Variants in SAXO4 observed in about 807,000 individuals in gnomAD.
SAXO4 encodes stabilizer of axonemal microtubules 4.
At chr11:61,485,314 ACTC>A in the SAXO4 span, 1 of 1,610,666 alleles carries the variant, frequency 6.2e-7, no homozygotes, top group Non-Finnish European at 8.5e-7. Flanking sequence ...CAGTGCCCCC[ACTC>A]CTCCAACCTC....
the SAXO4 span, chr11:61,490,469 A>T: frequency 1.9e-6 from 3 of 1,594,110 alleles, no homozygotes; most frequent in South Asian, 2.2e-5. Context: ...GCCTGCCAAC[A>T]CCCCCAACAC....
At chr11:61,484,742 C>A in the SAXO4 span, 1 of 1,613,502 alleles carries the variant, frequency 6.2e-7, no homozygotes, top group African/African-American at 1.3e-5. Context: ...CATCACGGGG[C>A]TGGAGCCCAG....
the SAXO4 span, chr11:61,487,232 C>A: frequency 1.2e-6 from 2 of 1,613,814 alleles, no homozygotes; most frequent in Admixed American, 1.7e-5. Context: ...TGACCACCTA[C>A]AACCAAGGGT....
chr11:61,484,757 G>T, the SAXO4 span: 2 of 1,612,820 alleles, frequency 1.2e-6, no homozygotes, highest in African/African-American at 2.7e-5. Context: ...GCCCAGGGAA[G>T]TGCCTCTGCT....
chr11:61,485,626 C>T, the SAXO4 span, among the ~76,000 whole-genome samples: 1 of 152,202 alleles, frequency 6.6e-6, no homozygotes, highest in Admixed American at 6.5e-5. Context: ...TGCTCCCTCT[C>T]CTGTCCTCCG....
the SAXO4 span, chr11:61,490,393 C>T: frequency 2.9e-6 from 3 of 1,027,388 alleles, no homozygotes; most frequent in Non-Finnish European, 4.6e-6. Context: ...GCTGCCCTGG[C>T]TGAACCCTGG....
the SAXO4 span, chr11:61,489,465 A>G: frequency 1.8e-6 from 1 of 557,504 alleles, no homozygotes; most frequent in Admixed American, 3.4e-5. Context: ...TGGAAATGAA[A>G]TGGAAGGAAA....
chr11:61,482,522 G>A, the SAXO4 span: 2 of 1,564,092 alleles, frequency 1.3e-6, no homozygotes, highest in African/African-American at 1.4e-5. Flanking sequence ...GCCTGCCCTA[G>A]GCTGGGGGTC....
the SAXO4 span, chr11:61,482,788 G>T: frequency 2.5e-6 from 4 of 1,610,544 alleles, no homozygotes; most frequent in South Asian, 3.3e-5. Context: ...GAAGCCCAGT[G>T]CGGGTCCCCC....
At chr11:61,487,080 A>G in the SAXO4 span, 3 of 1,610,832 alleles carry the variant, frequency 1.9e-6, no homozygotes, top group East Asian at 2.2e-5. Context: ...TGCTACACCT[A>G]GCCTCCACCC....
At chr11:61,483,105 A>G in the SAXO4 span, among the ~76,000 whole-genome samples, 3 of 147,910 alleles carry the variant, frequency 2.0e-5, no homozygotes, top group Admixed American at 1.4e-4. Flanking sequence ...CACTGTCCCT[A>G]CTACCACCAC....
chr11:61,486,165 CAG>C, the SAXO4 span, among the ~76,000 whole-genome samples: 18 of 152,264 alleles, frequency 1.2e-4, no homozygotes, highest in Admixed American at 1.2e-3. Flanking sequence ...TGGTCCCATT[CAG>C]AGTCATGCCT....
the SAXO4 span, chr11:61,485,818 G>A: frequency 9.3e-6 from 15 of 1,613,706 alleles, no homozygotes; most frequent in East Asian, 1.3e-4. Flanking sequence ...AGAAGAAATC[G>A]ATCGGCGCAA....
the SAXO4 span, chr11:61,486,734 G>A: frequency 1.5e-3 from 1,509 of 1,008,426 alleles, 4 homozygotes; most frequent in Admixed American, 2.6e-3. Context: ...GTGGAGGTAG[G>A]CCCTCAGGTG....
chr11:61,490,867 T>G, the SAXO4 span: 1 of 475,312 alleles, frequency 2.1e-6, no homozygotes, highest in Non-Finnish European at 3.8e-6. Context: ...CCCCACTCCA[T>G]CCCCCAGGGG....
the SAXO4 span, chr11:61,481,822 C>T: frequency 1.3e-6 from 2 of 1,525,026 alleles, no homozygotes; most frequent in Non-Finnish European, 1.7e-6. Context: ...GATGGGGAAA[C>T]TCCCCCTGGG....
chr11:61,485,988 G>A, the SAXO4 span: 92 of 1,027,076 alleles, frequency 9.0e-5, no homozygotes, highest in African/African-American at 1.3e-3. Flanking sequence ...CTTTCCTAAA[G>A]AATGTGAGCT....
the SAXO4 span, chr11:61,487,369 C>T: frequency 1.3e-6 from 1 of 793,780 alleles, no homozygotes; most frequent in South Asian, 1.6e-5. Flanking sequence ...CAGAAGCATA[C>T]CCTAAGCCAA....
At chr11:61,488,332 T>C in the SAXO4 span, among the ~76,000 whole-genome samples, 1 of 133,722 alleles carries the variant, frequency 7.5e-6, no homozygotes, top group Non-Finnish European at 1.6e-5. Context: ...TAAGATGGAG[T>C]CTCTCTCTGT....
Sources: gnomAD v4.1 joint callset for allele counts (sites outside exome capture counted in the v4.1 genomes callset) on GRCh38, gnomAD v4.1.1 for gene constraint, MANE v1.5 for transcripts, NCBI Gene and HGNC (gene_info 2026-07-23, HGNC 2026-07-21) for gene names.